The following NCBP1 variants were observed in gnomAD, a reference collection of about 807,000 sequenced individuals.
The protein encoded by NCBP1 is nuclear cap-binding protein subunit 1.
A neutral mutation model predicts 111.7 loss-of-function variants in NCBP1; 16 were observed. The observed-to-expected ratio is 0.14, with a 90% CI of 0.10 to 0.22. The LOEUF (loss-of-function observed/expected upper bound fraction) is 0.22, where lower values mean the gene tolerates loss of function less well. Among genes scored for constraint, NCBP1 ranks in the 10% least tolerant of loss-of-function variants. NCBP1 has a pLI of 1.00. For synonymous variants in NCBP1, 304 were observed against 314.3 expected, an observed-to-expected ratio of 0.97 and a Z score of 0.35; for missense variants, 607 against 957.5, an observed-to-expected ratio of 0.63 and a Z score of 4.83.
intron 4 of NCBP1, 67 bp downstream of exon 4, chr9:97,643,427 C>A: frequency 7.1e-7 from 1 of 1,401,700 alleles, no homozygotes; most frequent in South Asian, 1.5e-5. Context: ...TGAACTACAA[C>A]CAAATAATTT....
chr9:97,642,010 T>C (rs1827219773), intron 3 of NCBP1, among the ~76,000 whole-genome samples: 1 of 152,084 alleles, frequency 6.6e-6, no homozygotes, highest in South Asian at 2.1e-4. Context: ...AATTTGGGAA[T>C]TGGTAACTCA....
intron 16 of NCBP1, among the ~76,000 whole-genome samples, chr9:97,661,549 A>G (rs1827834214): frequency 6.6e-6 from 1 of 152,228 alleles, no homozygotes. Context: ...ATATGCACAT[A>G]GAAAAACTAC....
At position 97,655,822 on chromosome 9, in the gene NCBP1, CTG is replaced by C. The variant is rs961649897; in HGVS notation, c.1298+60_1298+61del. The C allele has an allele frequency of 1.2e-4, 180 of 1,487,750 alleles. 1 individual carries two copies. The African/African-American group carries it at 2.3e-3, about 19-fold the overall frequency. 92.2% of individuals were successfully genotyped at this position (1,487,750 alleles called of 1,614,324 possible). A position where few individuals can be genotyped will look rare whatever the true frequency, so the allele number is the denominator to read the frequency against. On this transcript the variant is annotated intron_variant, in intron 13 of 22. Coordinates refer to ENST00000375147, the MANE Select transcript of NCBP1 (RefSeq NM_002486.5). ...GTCAAAAAACTACTAATGTTTAAAACTGTAACATAAAAGTGTCTGAAATATTT... is the reference window on the plus strand; with the variant it reads ...GTCAAAAAACTACTAATGTTTAAAACTAACATAAAAGTGTCTGAAATATTT...
chr9:97,646,938 C>A (rs550235390), intron 6 of NCBP1, among the ~76,000 whole-genome samples: 1 of 146,522 alleles, frequency 6.8e-6, no homozygotes, highest in Non-Finnish European at 1.5e-5. Context: ...CTGTTCTTCA[C>A]TTGGCTTTTT....
chr9:97,656,750 G>A (rs1783487098), intron 14 of NCBP1, among the ~76,000 whole-genome samples: 1 of 152,034 alleles, frequency 6.6e-6, no homozygotes, highest in South Asian at 2.1e-4. Context: ...TTGAGAATAA[G>A]CTGCATACCC....
intron 20 of NCBP1, among the ~76,000 whole-genome samples, chr9:97,667,914 G>A (rs1460137260): frequency 1.3e-5 from 2 of 152,216 alleles, no homozygotes; most frequent in African/African-American, 4.8e-5. Context: ...TTACCTTTGA[G>A]TGGTGTTAGG....
intron 20 of NCBP1, among the ~76,000 whole-genome samples, chr9:97,667,505 GAT>G (rs1191240969): frequency 2.0e-5 from 3 of 152,126 alleles, no homozygotes; most frequent in Non-Finnish European, 4.4e-5. Flanking sequence ...TACATATATG[GAT>G]ATAAACACTC....
At position 97,671,509 on chromosome 9, in the gene NCBP1, T is replaced by G; in HGVS notation, c.*310T>G. 3.8e-6 allele frequency: 1 copy of G among 261,702 alleles called. No homozygotes were observed. The allele number at this position is 261,702 out of a possible 1,614,324, so 16.2% of individuals were successfully genotyped here. A position where few individuals can be genotyped will look rare whatever the true frequency, so the allele number is the denominator to read the frequency against. ...AATTGGTTTGAGGTATGTGAAACAC[T>G]AGAGGTCAACCTTACATAGTATATA... On this transcript the variant is annotated 3_prime_UTR_variant, in exon 23 of 23. Transcript: ENST00000375147.
intron 17 of NCBP1, 94 bp from the exon 18 acceptor site, chr9:97,662,860 A>G: frequency 1.1e-6 from 1 of 889,074 alleles, no homozygotes; most frequent in East Asian, 2.5e-5. Flanking sequence ...TATATATTGC[A>G]TTATAAATTG....
In NCBP1 at chr9:97,635,316, A is replaced by T. The variant is rs908938777; in HGVS notation, c.34+1401A>T. Among the ~76,000 whole-genome samples the T allele has an allele frequency of 2.6e-5, 4 of 152,170 alleles. No individual in the cohort carries two copies. In the East Asian group the frequency reaches 5.8e-4, roughly 22 times the overall value. On this transcript the variant is annotated intron_variant, in intron 1 of 22. Transcript: ENST00000375147. ...TCCAGTCCGGGGCTCTCTTCACTAC[A>T]CAGGTATAAATTAAATAACTATGCT...
rs1478709169 is a variant in NCBP1 at position 97,649,735 on chromosome 9, G to C, written c.898-768G>C. Among the ~76,000 whole-genome samples the C allele has an allele frequency of 2.8e-5, 3 of 107,784 alleles. No homozygotes were observed. In the South Asian group the frequency reaches 8.3e-4, roughly 30 times the overall value. 70.7% of individuals were successfully genotyped at this position (107,784 alleles called of 152,430 possible). ...TTAAGACTGCTAATGTTTGTGGTCG[G>C]GTATTTTTTTTTTTTTGTGCAGGGG... On this transcript the variant is annotated intron_variant, in intron 8 of 22. Transcript: ENST00000375147.
intron 12 of NCBP1, among the ~76,000 whole-genome samples, chr9:97,655,423 A>T (rs1320710139): frequency 6.6e-6 from 1 of 151,960 alleles, no homozygotes; most frequent in East Asian, 1.9e-4. Context: ...CAGTTTCATC[A>T]TCTTTTATAT....
rs151041858 is a variant in NCBP1 at position 97,659,599 on chromosome 9, G to A, written c.1477+856G>A. Among the ~76,000 whole-genome samples, 138 of 152,316 alleles carry A rather than the reference G, an allele frequency of 9.1e-4. 4 individuals are homozygous for A. In the East Asian group the frequency reaches 0.026, roughly 29 times the overall value. ...GCTAGAATGAGATTGCTTTTGAGTGGTGGAGCCCAAATTCAGGCGTAGGTG... is the reference window on the plus strand; with the variant it reads ...GCTAGAATGAGATTGCTTTTGAGTGATGGAGCCCAAATTCAGGCGTAGGTG... On this transcript the variant is annotated intron_variant, in intron 15 of 22. Coordinates refer to ENST00000375147, the MANE Select transcript of NCBP1 (RefSeq NM_002486.5).
Position 97,656,007 on chromosome 9 carries a change from T to G in NCBP1, c.1299-4T>G, listed in dbSNP as rs762812378. 6.2e-7 allele frequency: 1 copy of G among 1,612,672 alleles called. No homozygotes were observed. Among genetic ancestry groups the G allele is most frequent in the South Asian group, 1.1e-5 (1 of 91,058 alleles). On this transcript the variant is annotated splice_polypyrimidine_tract_variant and splice_region_variant and intron_variant, in intron 13 of 22. Transcript: ENST00000375147. Reference sequence around the variant, plus strand: ...GCATTGATAAAACTACATTTCCTCCTTAGGTCAGATTGTCTTAGTCAAGAT... The same window carrying G: ...GCATTGATAAAACTACATTTCCTCCGTAGGTCAGATTGTCTTAGTCAAGAT...
At chr9:97,670,610 AAC>A (rs1188878034) in intron 22 of NCBP1, among the ~76,000 whole-genome samples, 2 of 152,254 alleles carry the variant, frequency 1.3e-5, no homozygotes, top group African/African-American at 4.8e-5. Context: ...TAAAAGCTTT[AAC>A]AGTCTCTAGT....
intron 10 of NCBP1, among the ~76,000 whole-genome samples, chr9:97,652,109 T>A (rs1827512916): frequency 6.6e-6 from 1 of 152,168 alleles, no homozygotes; most frequent in Non-Finnish European, 1.5e-5. Context: ...GTTCAAGCAA[T>A]TCTTCTGCCT....
At chr9:97,638,749 C>G (rs1827121143) in intron 1 of NCBP1, among the ~76,000 whole-genome samples, 1 of 152,140 alleles carries the variant, frequency 6.6e-6, no homozygotes, top group Admixed American at 6.5e-5. Context: ...ATGCCCTATG[C>G]AACGTGAGAT....
rs1477497793 is a variant in NCBP1 at position 97,670,600 on chromosome 9, T to C, written c.2260-486T>C. Among the ~76,000 whole-genome samples, 4 of 152,368 alleles carry C rather than the reference T, an allele frequency of 2.6e-5. No homozygotes were observed. In the East Asian group the frequency reaches 7.7e-4, roughly 29 times the overall value. ...CTGATTTTATAGTTACTGCCAGTTT[T>C]AAAAGCTTTAACAGTCTCTAGTCCT... On this transcript the variant is annotated intron_variant, in intron 22 of 22. Coordinates refer to ENST00000375147, the MANE Select transcript of NCBP1 (RefSeq NM_002486.5).
Position 97,671,155 on chromosome 9 carries a change from C to T in NCBP1, c.2329C>T (p.His777Tyr). 1 of 1,613,764 alleles carries T rather than the reference C, an allele frequency of 6.2e-7. No homozygotes were observed. ...TCTCTTCACTGCTGAATTAGACCCTCATATCTTGGCCGTGTTCCAGCAGTT... is the reference window on the plus strand; with the variant it reads ...TCTCTTCACTGCTGAATTAGACCCTTATATCTTGGCCGTGTTCCAGCAGTT... Reference protein sequence around the residue: ...NLLFTAELDPHILAVFQQFCA... With the variant: ...NLLFTAELDPYILAVFQQFCA... Residue 777 changes from histidine (H) to tyrosine (Y), a missense_variant, in exon 23 of 23, where the codon CAT (histidine) becomes TAT (tyrosine). Around this residue, in one of 9 missense-constraint regions of NCBP1, gnomAD observed 18 missense variants for 18.7 expected, o/e 0.96. Coordinates refer to ENST00000375147, the MANE Select transcript of NCBP1 (RefSeq NM_002486.5).
Sources: gnomAD v4.1 joint callset for allele counts (sites outside exome capture counted in the v4.1 genomes callset) on GRCh38, gnomAD v4.1.1 for gene constraint, gnomAD v4.1.1 regional missense constraint, MANE v1.5 for transcripts, NCBI Gene and HGNC (gene_info 2026-07-23, HGNC 2026-07-21) for gene names.